LCORL: variants seen among roughly 807,000 people sequenced by gnomAD.
LCORL encodes the protein ligand-dependent nuclear receptor corepressor-like protein.
Under a neutral mutation model 141.8 loss-of-function variants are expected in LCORL, and 41 were observed. The observed-to-expected ratio is 0.29, with a 90% CI of 0.23 to 0.38. The LOEUF (loss-of-function observed/expected upper bound fraction) is 0.38, where lower values mean the gene tolerates loss of function less well. Among genes scored for constraint, LCORL ranks in the 10% least tolerant of loss-of-function variants. LCORL has a pLI of 1.00. For synonymous variants in LCORL, 618 were observed against 694.1 expected (o/e 0.89, Z 1.72); for missense variants, 1,759 against 2,035.0 (o/e 0.86, Z 2.61).
At chr4:17,885,308 A>T (rs1430661640) in intron 6 of LCORL, among the ~76,000 whole-genome samples, 14 of 151,960 alleles carry the variant, frequency 9.2e-5, no homozygotes. Context: ...TGAATAATTT[A>T]ATTTTAGATA....
At chr4:17,844,905 T>C (rs2109082057) in exon 8 of LCORL, 1 of 152,214 alleles carries the variant, frequency 6.6e-6, no homozygotes, top group South Asian at 2.1e-4. Flanking sequence ...GACATAGTCA[T>C]GTAGCCATTG....
At chr4:17,928,878 A>AAT (rs1264366505) in intron 4 of LCORL, among the ~76,000 whole-genome samples, 3 of 152,206 alleles carry the variant, frequency 2.0e-5, no homozygotes, top group African/African-American at 7.2e-5. Context: ...ATTTGCATAT[A>AAT]ATCTTATATA....
At chr4:17,911,705 C>A in intron 4 of LCORL, 2 of 501,760 alleles carry the variant, frequency 4.0e-6, no homozygotes, top group Admixed American at 2.1e-5. Context: ...ACCTTCTCCA[C>A]CAGCTACTGT....
chr4:17,859,798 T>C (rs1417486309), intron 7 of LCORL, among the ~76,000 whole-genome samples: 1 of 152,188 alleles, frequency 6.6e-6, no homozygotes, highest in Non-Finnish European at 1.5e-5. Flanking sequence ...ATCTGTAGCA[T>C]TTCTATACAC....
intron 2 of LCORL, among the ~76,000 whole-genome samples, chr4:17,967,926 C>T (rs1011117604): frequency 2.6e-5 from 4 of 151,492 alleles, no homozygotes; most frequent in African/African-American, 7.3e-5. Flanking sequence ...GACACAATCT[C>T]GGCTCACTGC....
chr4:17,987,673 C>T (rs1450744226), intron 1 of LCORL, among the ~76,000 whole-genome samples: 1 of 152,168 alleles, frequency 6.6e-6, no homozygotes, highest in Non-Finnish European at 1.5e-5. Flanking sequence ...CACATCCTTA[C>T]AAACACTTTG....
intron 7 of LCORL, among the ~76,000 whole-genome samples, chr4:17,853,172 C>T (rs189365449): frequency 1.3e-5 from 2 of 151,554 alleles, no homozygotes; most frequent in Admixed American, 1.3e-4. Flanking sequence ...TCTCCAGGGC[C>T]TATGATCTAT....
At position 17,877,095 on chromosome 4, in the gene LCORL, C is replaced by CTT. The variant is rs1466747713; in HGVS notation, c.1893_1894dup (p.Arg632LysfsTer24). ...ATTTTCATCAAGACTAGCAAGTTCTCTTTTTATCTGTAAAGACTGCCTTCT... is the reference window on the plus strand; with the variant it reads ...ATTTTCATCAAGACTAGCAAGTTCTCTTTTTTTATCTGTAAAGACTGCCTTCT... On this transcript the variant is annotated frameshift_variant, in exon 7 of 8. Transcript: ENST00000635767. LOFTEE classifies it high-confidence loss of function. 8.1e-7 allele frequency: 1 copy of CTT among 1,230,570 alleles called. No homozygotes were observed. The highest frequency in any genetic ancestry group is 1.0e-6 in the Non-Finnish European group (1 of 987,024). 76.2% of individuals were successfully genotyped at this position (1,230,570 alleles called of 1,614,324 possible). A position where few individuals can be genotyped will look rare whatever the true frequency, so the allele number is the denominator to read the frequency against.
At chr4:17,939,450 A>G (rs1242475292) in intron 4 of LCORL, among the ~76,000 whole-genome samples, 1 of 152,194 alleles carries the variant, frequency 6.6e-6, no homozygotes, top group Non-Finnish European at 1.5e-5. Context: ...ATAACCCAGC[A>G]ATTCTACTCA....
At chr4:17,953,415 T>C (rs1481491663) in intron 4 of LCORL, among the ~76,000 whole-genome samples, 1 of 152,158 alleles carries the variant, frequency 6.6e-6, no homozygotes, top group Non-Finnish European at 1.5e-5. Flanking sequence ...TCTGTTCCCC[T>C]CAAATTTAAA....
intron 1 of LCORL, among the ~76,000 whole-genome samples, chr4:17,996,445 A>G (rs556482095): frequency 2.0e-5 from 3 of 152,248 alleles, no homozygotes; most frequent in Middle Eastern, 3.4e-3. Context: ...CCTAGTAAAT[A>G]AAGTATAACT....
In LCORL at chr4:17,904,397, T is replaced by C. The variant is rs372704179; in HGVS notation, c.682+4697A>G. On this transcript the variant is annotated intron_variant, in intron 5 of 7. Transcript: ENST00000635767. ...CATTTCACTTTCTTCAGTGACTTTA[T>C]ACTTAAGTTTTAGATTTGAGTATAG... 1.3e-4 allele frequency among the ~76,000 whole-genome samples: 20 copies of C among 152,266 alleles called. No individual in the cohort carries two copies. The East Asian group carries it at 3.5e-3, about 26-fold the overall frequency.
intron 1 of LCORL, among the ~76,000 whole-genome samples, chr4:18,008,996 C>T (rs1723239719): frequency 6.6e-6 from 1 of 152,068 alleles, no homozygotes; most frequent in African/African-American, 2.4e-5. Context: ...TCCCAATTCT[C>T]TCACAAAAAC....
exon 7 of LCORL, chr4:17,878,136 G>T (rs561114243): frequency 8.1e-7 from 1 of 1,230,210 alleles, no homozygotes; most frequent in Admixed American, 4.2e-5. Flanking sequence ...TATGCACAAA[G>T]ATTCCAAAAC....
At chr4:17,935,456 T>C (rs1462736177) in intron 4 of LCORL, among the ~76,000 whole-genome samples, 1 of 152,180 alleles carries the variant, frequency 6.6e-6, no homozygotes, top group Non-Finnish European at 1.5e-5. Flanking sequence ...ATGGGTCTAG[T>C]GGGAGATGTT....
rs140619795 is a variant in LCORL at position 18,013,903 on chromosome 4, G to A, written c.154+7695C>T. On this transcript the variant is annotated intron_variant, in intron 1 of 7. Transcript: ENST00000635767. ...ATGCACTGCAACCTCCGCCTCCCGG[G>A]TTCAAGCGATTCTTGTGCCTCAGCC... is the stretch of plus-strand genomic sequence containing the variant. Among the ~76,000 whole-genome samples the A allele has an allele frequency of 3.2e-3, 488 of 152,062 alleles. 2 individuals carry two copies. Among genetic ancestry groups the A allele is most frequent in the African/African-American group, 0.011 (443 of 41,462 alleles).
chr4:17,989,310 T>G (rs1172931777), intron 1 of LCORL, among the ~76,000 whole-genome samples: 2 of 152,252 alleles, frequency 1.3e-5, no homozygotes, highest in African/African-American at 2.4e-5. Context: ...TGTCATAGAT[T>G]TTTTGTAGAT....
chr4:17,966,604 C>T (rs1167000035), intron 2 of LCORL, among the ~76,000 whole-genome samples: 1 of 152,104 alleles, frequency 6.6e-6, no homozygotes, highest in African/African-American at 2.4e-5. Context: ...ACTTACTCTA[C>T]GAATCCATCA....
chr4:17,913,942 T>C lies in LCORL; in HGVS notation c.431-4597A>G, dbSNP rs1054475964. Among the ~76,000 whole-genome samples, 7 of 152,264 alleles carry C rather than the reference T, an allele frequency of 4.6e-5. No homozygotes were observed. In the South Asian group the frequency reaches 1.2e-3, roughly 27 times the overall value. On this transcript the variant is annotated intron_variant, in intron 4 of 7. Coordinates refer to ENST00000635767, the Ensembl canonical transcript of LCORL. ...GGAGCTTATGTTGGGAAATAAACTT[T>C]GTATTTTTTATTTCTACCTTTGAAT...
Sources: gnomAD v4.1 joint callset for allele counts (sites outside exome capture counted in the v4.1 genomes callset) on GRCh38, gnomAD v4.1.1 for gene constraint, MANE v1.5 for transcripts, NCBI Gene and HGNC (gene_info 2026-07-23, HGNC 2026-07-21) for gene names.